RNF144B: variants seen among roughly 807,000 people sequenced by gnomAD.
The protein encoded by RNF144B is E3 ubiquitin-protein ligase RNF144B.
In RNF144B, 25 loss-of-function variants were observed where a neutral mutation model predicts 40.2. That is an observed-to-expected ratio of 0.62 (90% confidence interval 0.45 to 0.87). RNF144B has a LOEUF of 0.87. Ranked by LOEUF, RNF144B falls within the 40% of genes least tolerant of loss-of-function variation. The pLI is 0.00. For synonymous variants in RNF144B, 145 were observed against 136.3 expected (o/e 1.06, Z -0.44); for missense variants, 365 against 373.7 (o/e 0.98, Z 0.19).
intron 2 of RNF144B, among the ~76,000 whole-genome samples, chr6:18,403,323 G>A (rs933508484): frequency 3.3e-5 from 5 of 152,172 alleles, no homozygotes; most frequent in Admixed American, 6.5e-5. Context: ...TCTGTCAGCC[G>A]TGAATTAAGG....
Position 18,444,660 on chromosome 6 carries a change from G to C in RNF144B, c.331+4916G>C, listed in dbSNP as rs976530334. On this transcript the variant is annotated intron_variant, in intron 4 of 7. Coordinates refer to ENST00000259939, the MANE Select transcript of RNF144B (RefSeq NM_182757.4). The surrounding 1 kb of genome is among the most constrained non-coding windows in gnomAD (Gnocchi z 4.3). ...TCTTACAGAAGGGTTGTGTCATATT[G>C]TTCTCCTTCATTTAAAAAAAAGTGA... 6.6e-6 allele frequency among the ~76,000 whole-genome samples: 1 copy of C among 151,814 alleles called. No individual in the cohort carries two copies. Among genetic ancestry groups the C allele is most frequent in the Admixed American group, 6.6e-5 (1 of 15,236 alleles).
At chr6:18,428,726 G>A (rs1306558332) in intron 3 of RNF144B, among the ~76,000 whole-genome samples, 2 of 152,176 alleles carry the variant, frequency 1.3e-5, no homozygotes, top group South Asian at 4.1e-4. Flanking sequence ...TTCATTGCCA[G>A]TATACTACCT....
At chr6:18,413,854 A>G (rs557321605) in intron 2 of RNF144B, among the ~76,000 whole-genome samples, 1 of 152,358 alleles carries the variant, frequency 6.6e-6, no homozygotes, top group South Asian at 2.1e-4. Flanking sequence ...TGTGTTAATT[A>G]AAGATTGTTT....
chr6:18,409,901 G>A (rs747183002), intron 2 of RNF144B, among the ~76,000 whole-genome samples: 4 of 152,090 alleles, frequency 2.6e-5, no homozygotes, highest in Admixed American at 6.6e-5. Context: ...GATCATAGGC[G>A]TAACAAGTAC....
At position 18,416,767 on chromosome 6, in the gene RNF144B, T is replaced by C. The variant is rs1288946242; in HGVS notation, c.166-10814T>C. Among the ~76,000 whole-genome samples, 9 of 152,180 alleles carry C rather than the reference T, an allele frequency of 5.9e-5. No homozygotes were observed. The highest frequency in any genetic ancestry group is 1.3e-4 in the Admixed American group (2 of 15,278). On this transcript the variant is annotated intron_variant, in intron 2 of 7. Coordinates refer to ENST00000259939, the MANE Select transcript of RNF144B (RefSeq NM_182757.4). The surrounding 1 kb of genome is among the most constrained non-coding windows in gnomAD (Gnocchi z 5.5). ...AATGCTTGTATTCTCTATGGAGAGGTTGGGTAGAAAAGAGTGATGAGGGGC... is the reference window on the plus strand; with the variant it reads ...AATGCTTGTATTCTCTATGGAGAGGCTGGGTAGAAAAGAGTGATGAGGGGC...
At chr6:18,392,759 A>G (rs149950706) in intron 1 of RNF144B, among the ~76,000 whole-genome samples, 30 of 152,304 alleles carry the variant, frequency 2.0e-4, no homozygotes, top group South Asian at 1.7e-3. Context: ...TCTTACATCT[A>G]AGACCTAAAT....
chr6:18,444,533 C>G lies in RNF144B; in HGVS notation c.331+4789C>G, dbSNP rs1415754141. Among the ~76,000 whole-genome samples the G allele has an allele frequency of 6.6e-6, 1 of 151,444 alleles. No individual in the cohort carries two copies. Among genetic ancestry groups the G allele is most frequent in the Non-Finnish European group, 1.5e-5 (1 of 67,844 alleles). The stretch of plus-strand genomic sequence containing the variant: ...TACGCACTTTTCCTTTTTTTGTGAC[C>G]CTGTTTGACTTTCTGTAACTGCAAG... On this transcript the variant is annotated intron_variant, in intron 4 of 7. Transcript: ENST00000259939. This position sits in a 1 kb window ranked among gnomAD's most constrained non-coding sequence, Gnocchi z 4.3.
rs892475665 is a variant in RNF144B, at chr6:18,447,411, G to A, written c.331+7667G>A. Among the ~76,000 whole-genome samples, 2 of 152,144 alleles carry A rather than the reference G, an allele frequency of 1.3e-5. No homozygotes were observed. Among genetic ancestry groups the A allele is most frequent in the African/African-American group, 4.8e-5 (2 of 41,424 alleles). The stretch of plus-strand genomic sequence containing the variant: ...GGTAATTTGAAAGTGTTAGTCAAGG[G>A]CCTGATCCCATAGATTATGAAGATG... On this transcript the variant is annotated intron_variant, in intron 4 of 7. Coordinates refer to ENST00000259939, the MANE Select transcript of RNF144B (RefSeq NM_182757.4). The surrounding 1 kb of genome is among the most constrained non-coding windows in gnomAD (Gnocchi z 5.6).
Position 18,460,747 on chromosome 6 carries a change from T to A in RNF144B, c.681+996T>A, listed in dbSNP as rs1017785022. Among the ~76,000 whole-genome samples the A allele has an allele frequency of 1.5e-4, 23 of 152,114 alleles. No homozygotes were observed. Among genetic ancestry groups the A allele is most frequent in the African/African-American group, 5.6e-4 (23 of 41,412 alleles). On this transcript the variant is annotated intron_variant, in intron 6 of 7. Transcript: ENST00000259939. This position sits in a 1 kb window ranked among gnomAD's most constrained non-coding sequence, Gnocchi z 4.4. ...CACCATTCATGAATCAAGTCTCAAA[T>A]TGAGGTGCAGTTTTATTCAGCCCTG...
intron 7 of RNF144B, among the ~76,000 whole-genome samples, 195 bp downstream of exon 7, chr6:18,463,575 T>G (rs2113542771): frequency 6.6e-6 from 1 of 152,274 alleles, no homozygotes; most frequent in Admixed American, 6.5e-5. Flanking sequence ...ACAGTCTCCT[T>G]AAGGACAAGC....
Position 18,459,535 on chromosome 6 carries a change from A to G in RNF144B, c.537-72A>G. 2 of 1,495,886 alleles carry G rather than the reference A, an allele frequency of 1.3e-6. No individual in the cohort carries two copies. The highest frequency in any genetic ancestry group is 3.6e-5 in the Admixed American group (2 of 55,292). 92.7% of individuals were successfully genotyped at this position (1,495,886 alleles called of 1,614,324 possible). ...TGGATAACTGTGAGTTCATTATCTA[A>G]CCATCAGGAGCCCTGGGAATTCAAC... On this transcript the variant is annotated intron_variant, in intron 5 of 7. Transcript: ENST00000259939. This position sits in a 1 kb window ranked among gnomAD's most constrained non-coding sequence, Gnocchi z 4.2.
At chr6:18,437,927 G>A (rs866609910) in intron 3 of RNF144B, among the ~76,000 whole-genome samples, 10 of 152,218 alleles carry the variant, frequency 6.6e-5, no homozygotes, top group Middle Eastern at 3.4e-3. Flanking sequence ...TGACTTTGAA[G>A]GATTTAAAAG....
At chr6:18,396,553 T>C (rs2113457544) in intron 1 of RNF144B, 1 of 985,328 alleles carries the variant, frequency 1.0e-6, no homozygotes, top group Non-Finnish European at 1.2e-6. Flanking sequence ...ACATTTGGGG[T>C]GTGGGATGGT....
chr6:18,420,525 G>T (rs1417683230), intron 2 of RNF144B, among the ~76,000 whole-genome samples: 1 of 152,108 alleles, frequency 6.6e-6, no homozygotes, highest in Admixed American at 6.6e-5. Flanking sequence ...CAGCATGCTG[G>T]GCGTGCTACA....
chr6:18,427,471 A>G (rs1758585229), intron 2 of RNF144B, 110 bp from the exon 3 acceptor site: 2 of 639,202 alleles, frequency 3.1e-6, no homozygotes, highest in Admixed American at 2.8e-5. Context: ...CTTGAGTACA[A>G]GAGCCTCAGG....
rs1759397284 is a variant in RNF144B, at chr6:18,459,170, C to G, written c.537-437C>G. Among the ~76,000 whole-genome samples the G allele has an allele frequency of 6.6e-6, 1 of 152,132 alleles. No homozygotes were observed. The stretch of plus-strand genomic sequence containing the variant: ...GTCTATTCGTCTGTTTGGAGAAGGT[C>G]TTTTGAAAGTATTTGACATTATTTT... On this transcript the variant is annotated intron_variant, in intron 5 of 7. Transcript: ENST00000259939. The surrounding 1 kb of genome is among the most constrained non-coding windows in gnomAD (Gnocchi z 4.2).
chr6:18,423,569 G>T (rs1260664375), intron 2 of RNF144B, among the ~76,000 whole-genome samples: 2 of 152,074 alleles, frequency 1.3e-5, no homozygotes, highest in Middle Eastern at 6.3e-3. Context: ...CTGTGACTTT[G>T]GTACATCGGA....
intron 2 of RNF144B, among the ~76,000 whole-genome samples, chr6:18,415,445 C>T (rs78066307): frequency 0.015 from 2,305 of 152,152 alleles, 66 homozygotes; most frequent in African/African-American, 0.052. Context: ...TGTGTCCTCA[C>T]GTGACAGAAG....
intron 1 of RNF144B, among the ~76,000 whole-genome samples, chr6:18,397,200 TA>T (rs2094947270): frequency 1.3e-5 from 2 of 152,242 alleles, no homozygotes; most frequent in South Asian, 4.1e-4. Flanking sequence ...ATATCTCATT[TA>T]TTTTTTTCCT....
Sources: allele counts gnomAD v4.1 joint callset (sites outside exome capture counted in the v4.1 genomes callset), GRCh38; gene constraint gnomAD v4.1.1; non-coding constraint Gnocchi (gnomAD v3.1); transcripts MANE v1.5; gene names NCBI Gene and HGNC (gene_info 2026-07-23, HGNC 2026-07-21).